Variants in KIAA1217 observed in about 807,000 individuals in gnomAD.
KIAA1217 encodes KIAA1217.
Under a neutral mutation model 163.9 loss-of-function variants are expected in KIAA1217, and 88 were observed. The ratio of observed to expected loss-of-function variants is 0.54; its 90% CI spans 0.45 to 0.64. The LOEUF is 0.64. Among genes scored for constraint, KIAA1217 ranks in the 30% least tolerant of loss-of-function variants. The pLI is 0.00. For missense variants in KIAA1217, 2,372 were observed against 2,475.0 expected (o/e 0.96, Z 0.88); for synonymous variants, 903 against 923.1 (o/e 0.98, Z 0.39).
At chr10:24,281,444 A>C (rs2077914827) in intron 2 of KIAA1217, among the ~76,000 whole-genome samples, 1 of 152,212 alleles carries the variant, frequency 6.6e-6, no homozygotes, top group Admixed American at 6.5e-5. Flanking sequence ...TGTTTCCAAC[A>C]TTAATTAGGT....
chr10:24,142,398 T>G (rs1245818492), intron 2 of KIAA1217, among the ~76,000 whole-genome samples: 1 of 152,184 alleles, frequency 6.6e-6, no homozygotes, highest in Non-Finnish European at 1.5e-5. Flanking sequence ...ATAGGTAAGA[T>G]AGTGCCAAGG....
At chr10:24,244,688 C>G (rs2073557013) in intron 2 of KIAA1217, among the ~76,000 whole-genome samples, 1 of 151,784 alleles carries the variant, frequency 6.6e-6, no homozygotes, top group African/African-American at 2.4e-5. Context: ...CCTCAGCCTC[C>G]CGAGTAGCTG....
At chr10:24,463,919 C>T (rs1476495073) in intron 5 of KIAA1217, among the ~76,000 whole-genome samples, 2 of 152,118 alleles carry the variant, frequency 1.3e-5, no homozygotes, top group Non-Finnish European at 2.9e-5. Context: ...GCTGTAATGT[C>T]CCAAGGTAGA....
chr10:24,341,196 A>G (rs2047055180), intron 2 of KIAA1217, among the ~76,000 whole-genome samples: 1 of 152,238 alleles, frequency 6.6e-6, no homozygotes. Flanking sequence ...CTCAGTGCCC[A>G]GCTTGCAAAT....
intron 2 of KIAA1217, among the ~76,000 whole-genome samples, chr10:24,312,177 GGA>G (rs1489052826): frequency 5.9e-5 from 9 of 152,088 alleles, no homozygotes; most frequent in Non-Finnish European, 1.3e-4. Context: ...AGGGCAGGAC[GGA>G]GAGGAGCCCA....
At chr10:24,527,127 G>A (rs1372801932) in intron 13 of KIAA1217, among the ~76,000 whole-genome samples, 1 of 151,934 alleles carries the variant, frequency 6.6e-6, no homozygotes, top group Non-Finnish European at 1.5e-5. Flanking sequence ...GAACTTAAAG[G>A]AGTTTACAGG....
At chr10:23,821,093 C>CTGTGTGTGTGCG (rs1373357629) in intron 1 of KIAA1217, among the ~76,000 whole-genome samples, 2 of 137,448 alleles carry the variant, frequency 1.5e-5, no homozygotes, top group Admixed American at 7.2e-5. Context: ...TTTCTTGCAG[C>CTGTGTGTGTGCG]TGTGTGTGTG....
intron 1 of KIAA1217, among the ~76,000 whole-genome samples, chr10:23,870,388 C>A (rs1255144406): frequency 6.6e-6 from 1 of 152,006 alleles, no homozygotes; most frequent in Non-Finnish European, 1.5e-5. Context: ...TATTCTAGAT[C>A]TTCTTAGCCT....
intron 5 of KIAA1217, among the ~76,000 whole-genome samples, chr10:24,460,299 G>A (rs540408721): frequency 1.3e-5 from 2 of 151,902 alleles, no homozygotes; most frequent in South Asian, 4.2e-4. Context: ...AGCCTTACAC[G>A]TGAGAATTTC....
chr10:24,023,046 C>T (rs896974521), intron 2 of KIAA1217, among the ~76,000 whole-genome samples: 1 of 151,588 alleles, frequency 6.6e-6, no homozygotes, highest in Non-Finnish European at 1.5e-5. Context: ...CATTTCCTTT[C>T]AGCATTCTAC....
intron 1 of KIAA1217, among the ~76,000 whole-genome samples, chr10:23,983,793 A>G (rs1266314597): frequency 6.6e-6 from 1 of 152,160 alleles, no homozygotes; most frequent in Non-Finnish European, 1.5e-5. Context: ...AAGACTCCAA[A>G]AAGTTTCATC....
rs144835196 is a variant in KIAA1217, at chr10:24,279,889, A to G, written c.354+59980A>G. Among the ~76,000 whole-genome samples, 204 of 152,356 alleles carry G rather than the reference A, an allele frequency of 1.3e-3. 2 individuals are homozygous for G. Among genetic ancestry groups the G allele is most frequent in the African/African-American group, 4.4e-3 (183 of 41,598 alleles). ...AGTTCATCTGATAGTTGCAACTAAC[A>G]TTCTAAGGGGGTTCTCTAAGTTTAG... On this transcript the variant is annotated intron_variant, in intron 2 of 20. Transcript: ENST00000376454.
upstream of KIAA1217, among the ~76,000 whole-genome samples, chr10:24,206,365 A>T (rs2067554358): frequency 1.3e-5 from 2 of 152,248 alleles, no homozygotes; most frequent in Non-Finnish European, 2.9e-5. Context: ...TCTTCCAGAA[A>T]GAAGAACATC....
At chr10:24,074,703 C>CTTTTTTT (rs35168053) in intron 2 of KIAA1217, among the ~76,000 whole-genome samples, 1 of 99,484 alleles carries the variant, frequency 1.0e-5, no homozygotes, top group African/African-American at 3.1e-5. Context: ...TCTTCTTCTT[C>CTTTTTTT]TTTTTTTTTT....
intron 1 of KIAA1217, among the ~76,000 whole-genome samples, chr10:23,763,679 A>G (rs1834375388): frequency 6.6e-6 from 1 of 152,244 alleles, no homozygotes. Context: ...CATTCAGGAC[A>G]TAAGCATGGG....
intron 1 of KIAA1217, among the ~76,000 whole-genome samples, chr10:23,914,930 A>T (rs1315486236): frequency 6.6e-6 from 1 of 152,164 alleles, no homozygotes; most frequent in Non-Finnish European, 1.5e-5. Context: ...GGGTGAGTAG[A>T]TGTAGGTTTG....
chr10:23,741,519 A>C (rs146856669), intron 1 of KIAA1217, among the ~76,000 whole-genome samples: 52 of 152,320 alleles, frequency 3.4e-4, no homozygotes, highest in African/African-American at 1.1e-3. Flanking sequence ...TCATTGAACA[A>C]AGAAAGCACA....
chr10:24,045,249 C>T (rs998114908), intron 2 of KIAA1217, among the ~76,000 whole-genome samples: 13 of 149,308 alleles, frequency 8.7e-5, no homozygotes, highest in African/African-American at 2.0e-4. Context: ...TGATTTTTTT[C>T]TCTCTCTCTC....
At chr10:24,071,423 A>G (rs940037060) in intron 2 of KIAA1217, among the ~76,000 whole-genome samples, 1 of 152,190 alleles carries the variant, frequency 6.6e-6, no homozygotes, top group African/African-American at 2.4e-5. Flanking sequence ...TTCTTAAGTA[A>G]TCTCAGCATT....
Sources: allele counts gnomAD v4.1 joint callset (sites outside exome capture counted in the v4.1 genomes callset), GRCh38; gene constraint gnomAD v4.1.1; transcripts MANE v1.5; gene names NCBI Gene and HGNC (gene_info 2026-07-23, HGNC 2026-07-21).